REL: variants seen among roughly 807,000 people sequenced by gnomAD.
The protein encoded by REL is proto-oncogene c-Rel.
Under a neutral mutation model 45.9 loss-of-function variants are expected in REL, and 15 were observed. That is an observed-to-expected ratio of 0.33 (90% CI 0.22 to 0.50). The LOEUF (loss-of-function observed/expected upper bound fraction) is 0.50, where lower values mean the gene tolerates loss of function less well. Among genes scored for constraint, REL ranks in the 20% least tolerant of loss-of-function variants. REL has a pLI of 0.98. For missense variants in REL, 601 were observed against 715.2 expected (o/e 0.84, Z 1.82); for synonymous variants, 239 against 242.1 (o/e 0.99, Z 0.12).
rs76784662 is a variant in REL at position 60,918,376 on chromosome 2, T to C, written c.641-18T>C. On this transcript the variant is annotated intron_variant, in intron 6 of 9. Coordinates refer to ENST00000394479, the MANE Select transcript of REL (RefSeq NM_001291746.2). ...CTTTGTTTTCCCATTTTTTTTTTTT[T>C]GGTTTCTTATTGACTAGATGACATA... The C allele has an allele frequency of 1.3e-6, 2 of 1,578,560 alleles. No individual in the cohort carries two copies. The highest frequency in any genetic ancestry group is 2.8e-5 in the African/African-American group (2 of 72,726).
intron 3 of REL, among the ~76,000 whole-genome samples, chr2:60,896,074 C>G (rs1426274009): frequency 1.3e-5 from 2 of 151,848 alleles, no homozygotes; most frequent in African/African-American, 4.8e-5. Context: ...GTGATTTCGG[C>G]TCACTGCAAC....
chr2:60,902,018 A>G (rs529242777), intron 4 of REL, among the ~76,000 whole-genome samples: 1 of 152,270 alleles, frequency 6.6e-6, no homozygotes, highest in Non-Finnish European at 1.5e-5. Flanking sequence ...GATAAGTACT[A>G]CCACACTAGA....
At position 60,922,527 on chromosome 2, in the gene REL, C is replaced by G; in HGVS notation, c.1756C>G (p.Gln586Glu). 1.9e-6 allele frequency: 3 copies of G among 1,597,406 alleles called. No homozygotes were observed. In the South Asian group the frequency reaches 3.4e-5, roughly 18 times the overall value. Residue 586 changes from glutamine (Q) to glutamate (E), a missense_variant, in exon 10 of 10, where the codon CAA becomes GAA. Gln to Glu is a conservative substitution (Grantham distance 29). This residue lies in a region of REL where 334 missense variants were observed against 333.1 expected (regional missense o/e 1.00). Transcript: ENST00000394479. ...LSDSFPYEFF[Q>E]V is the part of the protein sequence containing the mutation. Reference sequence around the variant, plus strand: ...TGACTCCTTTCCATATGAATTTTTTCAAGTATAACTTGCAAGATTTAAATC... The same window carrying G: ...TGACTCCTTTCCATATGAATTTTTTGAAGTATAACTTGCAAGATTTAAATC...
intron 4 of REL, among the ~76,000 whole-genome samples, chr2:60,908,772 A>T (rs1349153893): frequency 1.3e-5 from 2 of 152,228 alleles, no homozygotes; most frequent in Non-Finnish European, 2.9e-5. Context: ...AAGTTTTATT[A>T]GGTAGTTTAC....
chr2:60,899,812 T>C (rs915570092), intron 3 of REL: 1 of 152,474 alleles, frequency 6.6e-6, no homozygotes, highest in African/African-American at 2.4e-5. Flanking sequence ...ATATGCAAAT[T>C]AGTAGTATTT....
At chr2:60,906,942 A>G (rs1453349033) in intron 4 of REL, among the ~76,000 whole-genome samples, 2 of 140,104 alleles carry the variant, frequency 1.4e-5, no homozygotes, top group African/African-American at 5.4e-5. Flanking sequence ...TTTCCGAGAC[A>G]GAGTTTCGCT....
At chr2:60,913,732 C>G (rs1407941906) in intron 4 of REL, among the ~76,000 whole-genome samples, 1 of 152,158 alleles carries the variant, frequency 6.6e-6, no homozygotes, top group South Asian at 2.1e-4. Flanking sequence ...TCTCTCATAT[C>G]TTGGTCGCAT....
chr2:60,898,277 G>A (rs1486598790), intron 3 of REL, among the ~76,000 whole-genome samples: 1 of 152,174 alleles, frequency 6.6e-6, no homozygotes, highest in African/African-American at 2.4e-5. Context: ...ATTTTAATGG[G>A]TTTATTTGGC....
intron 1 of REL, among the ~76,000 whole-genome samples, chr2:60,884,543 G>A (rs538488155): frequency 5.9e-4 from 89 of 152,074 alleles, no homozygotes; most frequent in African/African-American, 1.9e-3. Context: ...TGCATAGTAG[G>A]CAGTTGTTGC....
At chr2:60,904,826 G>T (rs1287313067) in intron 4 of REL, among the ~76,000 whole-genome samples, 1 of 152,122 alleles carries the variant, frequency 6.6e-6, no homozygotes, top group African/African-American at 2.4e-5. Context: ...GGAGGTCAAG[G>T]CTGCAGTGAA....
chr2:60,891,599 G>A (rs1673215866), intron 1 of REL, 84 bp from the exon 2 acceptor site: 2 of 1,210,366 alleles, frequency 1.7e-6, no homozygotes, highest in Non-Finnish European at 2.2e-6. Flanking sequence ...TTAGTCTGCT[G>A]TTATAAAAAA....
intron 5 of REL, among the ~76,000 whole-genome samples, chr2:60,917,667 T>G (rs1674013374): frequency 6.8e-6 from 1 of 147,666 alleles, no homozygotes; most frequent in Non-Finnish European, 1.5e-5. Flanking sequence ...TTATGAAACT[T>G]TCCCCCAAAA....
At chr2:60,914,835 GT>G (rs34572751) in intron 4 of REL, among the ~76,000 whole-genome samples, 1,753 of 131,118 alleles carry the variant, frequency 0.013, 9 homozygotes, top group Non-Finnish European at 0.018. Context: ...TTGTTTTTTT[GT>G]TTTTTTTTTT....
chr2:60,898,410 C>G (rs1397320917), intron 3 of REL, among the ~76,000 whole-genome samples: 1 of 152,180 alleles, frequency 6.6e-6, no homozygotes, highest in East Asian at 1.9e-4. Context: ...CAATGCCTTC[C>G]TTTAGTTTCC....
rs1317121972 is a variant in REL, at chr2:60,929,630, A to G, written c.*7095A>G. 7.1e-6 allele frequency: 1 copy of G among 141,664 alleles called. No homozygotes were observed. Among genetic ancestry groups the G allele is most frequent in the Non-Finnish European group, 1.5e-5 (1 of 66,346 alleles). 8.8% of individuals were successfully genotyped at this position (141,664 alleles called of 1,614,324 possible). The stretch of plus-strand genomic sequence containing the variant: ...GGTGGGAATTGAACAATGAGAACAC[A>G]TGGACACAGGAAGGGGAATATCACA... On this transcript the variant is annotated 3_prime_UTR_variant, in exon 10 of 10. Transcript: ENST00000394479.
chr2:60,917,802 C>T (rs1480048112), intron 5 of REL, among the ~76,000 whole-genome samples: 1 of 151,020 alleles, frequency 6.6e-6, no homozygotes, highest in Non-Finnish European at 1.5e-5. Flanking sequence ...GATAGAGAGA[C>T]TTAGGGCTAT....
intron 4 of REL, chr2:60,911,570 T>G (rs1289076938): frequency 6.6e-6 from 1 of 152,122 alleles, no homozygotes; most frequent in Non-Finnish European, 1.5e-5. Flanking sequence ...TCAGGAGATA[T>G]GAAGTATGTA....
intron 1 of REL, among the ~76,000 whole-genome samples, chr2:60,886,077 C>T (rs888169581): frequency 2.6e-5 from 4 of 152,180 alleles, no homozygotes; most frequent in African/African-American, 7.2e-5. Context: ...GATTACTTCT[C>T]TCAATATGTG....
At chr2:60,897,863 TAAA>T (rs11300349) in intron 3 of REL, among the ~76,000 whole-genome samples, 23 of 136,254 alleles carry the variant, frequency 1.7e-4, no homozygotes, top group Admixed American at 2.2e-4. Context: ...TGTATCTCTT[TAAA>T]AAAAAAAAAA....
Sources: allele counts gnomAD v4.1 joint callset (sites outside exome capture counted in the v4.1 genomes callset), GRCh38; gene constraint gnomAD v4.1.1; regional missense constraint gnomAD v4.1.1; transcripts MANE v1.5; gene names NCBI Gene and HGNC (gene_info 2026-07-23, HGNC 2026-07-21).